MIPEP: variants seen among roughly 807,000 people sequenced by gnomAD.
MIPEP encodes mitochondrial intermediate peptidase.
A neutral mutation model predicts 90.3 loss-of-function variants in MIPEP; 79 were observed. The observed-to-expected ratio is 0.87, with a 90% CI of 0.73 to 1.05. MIPEP has a LOEUF of 1.05. MIPEP is among the 50% of genes least tolerant of loss of function. The probability of loss-of-function intolerance (pLI) is 0.00; values close to 1 mark genes in which losing one functional copy is unlikely to be tolerated. For missense variants in MIPEP, 940 were observed against 905.6 expected, an observed-to-expected ratio of 1.04 and a Z score of -0.49; for synonymous variants, 334 against 315.8, an observed-to-expected ratio of 1.06 and a Z score of -0.61.
chr13:23,827,348 A>G (rs1868516100), intron 14 of MIPEP, among the ~76,000 whole-genome samples: 1 of 152,252 alleles, frequency 6.6e-6, no homozygotes. Flanking sequence ...ATAAATGTCT[A>G]GAAAATTTCA....
At chr13:23,865,050 G>C (rs1870474616) in intron 7 of MIPEP, among the ~76,000 whole-genome samples, 1 of 151,958 alleles carries the variant, frequency 6.6e-6, no homozygotes, top group Admixed American at 6.6e-5. Flanking sequence ...ATTAACTTCT[G>C]ATAGAATTTT....
At chr13:23,747,044 G>A (rs865873236) in intron 18 of MIPEP, among the ~76,000 whole-genome samples, 1 of 152,224 alleles carries the variant, frequency 6.6e-6, no homozygotes, top group South Asian at 2.1e-4. Flanking sequence ...GCTAAGAGGT[G>A]TCGAGGAGTG....
At chr13:23,825,698 T>TA (rs1349142286) in intron 14 of MIPEP, among the ~76,000 whole-genome samples, 1 of 152,212 alleles carries the variant, frequency 6.6e-6, no homozygotes, top group African/African-American at 2.4e-5. Context: ...GTGAAACTAA[T>TA]AGATCTATTG....
rs1422821266 is a variant in MIPEP, at chr13:23,759,952, C to T, written c.1970+144G>A. ...CTTGGGTGGGAATGGCCAAGTGGGG[C>T]GAGGCTGTGTGGGGAGCCTGCCACT... On this transcript the variant is annotated intron_variant, in intron 17 of 18. Transcript: ENST00000382172. 49 of 999,608 alleles carry T rather than the reference C, an allele frequency of 4.9e-5. No homozygotes were observed. In the South Asian group the frequency reaches 4.9e-4, roughly 10 times the overall value. 61.9% of individuals were successfully genotyped at this position (999,608 alleles called of 1,614,324 possible).
intron 14 of MIPEP, among the ~76,000 whole-genome samples, chr13:23,811,432 G>C (rs1953169860): frequency 6.6e-6 from 1 of 152,140 alleles, no homozygotes; most frequent in Admixed American, 6.5e-5. Flanking sequence ...TTGGTTTATA[G>C]TTAAACTTTG....
intron 18 of MIPEP, among the ~76,000 whole-genome samples, chr13:23,752,132 T>A (rs142954650): frequency 1.6e-3 from 244 of 152,304 alleles, no homozygotes; most frequent in African/African-American, 5.7e-3. Context: ...ACCTGTGTTA[T>A]AGGGGATTAA....
chr13:23,820,361 C>A (rs1953291974), intron 14 of MIPEP, among the ~76,000 whole-genome samples: 1 of 152,228 alleles, frequency 6.6e-6, no homozygotes, highest in African/African-American at 2.4e-5. Flanking sequence ...CGTAGTCCTA[C>A]CTTTATAGAA....
intron 9 of MIPEP, 140 bp from the exon 10 acceptor site, chr13:23,859,052 G>A: frequency 1.4e-6 from 1 of 719,012 alleles, no homozygotes; most frequent in Non-Finnish European, 2.4e-6. Flanking sequence ...TTAAAAAATT[G>A]ATAGCTTGGC....
At chr13:23,822,108 C>G (rs1344580482) in intron 14 of MIPEP, among the ~76,000 whole-genome samples, 1 of 152,182 alleles carries the variant, frequency 6.6e-6, no homozygotes, top group East Asian at 1.9e-4. Context: ...AGTGGTATTT[C>G]AAAAGCAGAG....
At chr13:23,855,408 T>C (rs899930027) in intron 10 of MIPEP, among the ~76,000 whole-genome samples, 3 of 152,076 alleles carry the variant, frequency 2.0e-5, no homozygotes, top group Admixed American at 2.0e-4. Context: ...AAATCTGAGG[T>C]ATTTAACATA....
Position 23,874,712 on chromosome 13 carries a change from T to G in MIPEP, c.603+134A>C, listed in dbSNP as rs1870984022. Reference sequence around the variant, plus strand: ...TTCAAATACAATCTAAAGAAGAATTTCATAACAGATAAAAGACCTGCACGT... The same window carrying G: ...TTCAAATACAATCTAAAGAAGAATTGCATAACAGATAAAAGACCTGCACGT... On this transcript the variant is annotated intron_variant, in intron 5 of 18. Coordinates refer to ENST00000382172, the MANE Select transcript of MIPEP (RefSeq NM_005932.4). 4.4e-6 allele frequency: 3 copies of G among 686,902 alleles called. No homozygotes were observed. In the South Asian group the frequency reaches 7.5e-5, roughly 17 times the overall value. The allele number at this position is 686,902 out of a possible 1,614,324, so 42.6% of individuals were successfully genotyped here.
intron 16 of MIPEP, among the ~76,000 whole-genome samples, chr13:23,789,123 A>T (rs1952876357): frequency 1.3e-5 from 2 of 152,176 alleles, no homozygotes; most frequent in Non-Finnish European, 1.5e-5. Flanking sequence ...TGGGATTTTT[A>T]AAAAATTGTT....
intron 16 of MIPEP, among the ~76,000 whole-genome samples, chr13:23,768,755 A>G (rs190255892): frequency 6.6e-6 from 1 of 152,114 alleles, no homozygotes; most frequent in African/African-American, 2.4e-5. Context: ...CAAAACAAAA[A>G]CCCACACAAA....
In MIPEP at chr13:23,879,278, G is replaced by C; in HGVS notation, c.529C>G (p.Pro177Ala). 6.3e-7 allele frequency: 1 copy of C among 1,597,812 alleles called. No homozygotes were observed. The highest frequency in any genetic ancestry group is 1.7e-5 in the Admixed American group (1 of 59,782). Residue 177 changes from proline to alanine, a missense_variant, in exon 4 of 19, where the codon CCA becomes GCA. Pro to Ala is a conservative substitution (Grantham distance 27). Transcript: ENST00000382172. Reference protein sequence around the residue: ...ADKKLVDSLDPETRRVAELFM... With the variant: ...ADKKLVDSLDAETRRVAELFM... ...GAAATGAGTGAGTACCTTGTTTCTGGATCAAGGGAATCCACAAGTTTTTTA... is the reference window on the plus strand; with the variant it reads ...GAAATGAGTGAGTACCTTGTTTCTGCATCAAGGGAATCCACAAGTTTTTTA...
At chr13:23,781,342 T>C (rs1394139329) in intron 16 of MIPEP, among the ~76,000 whole-genome samples, 1 of 152,138 alleles carries the variant, frequency 6.6e-6, no homozygotes, top group East Asian at 1.9e-4. Flanking sequence ...GAATTTCATA[T>C]CCAGCCAAAC....
At chr13:23,796,551 G>A (rs1025160528) in intron 16 of MIPEP, among the ~76,000 whole-genome samples, 2 of 151,114 alleles carry the variant, frequency 1.3e-5, no homozygotes, top group African/African-American at 4.9e-5. Context: ...TCTCATGGTA[G>A]GTTTTAAATT....
chr13:23,817,650 C>T (rs1953256355), intron 14 of MIPEP, among the ~76,000 whole-genome samples: 1 of 152,112 alleles, frequency 6.6e-6, no homozygotes, highest in South Asian at 2.1e-4. Context: ...CCGATACCTG[C>T]ATCACAAGAA....
intron 14 of MIPEP, among the ~76,000 whole-genome samples, chr13:23,818,255 TAA>T (rs79782871): frequency 0.16 from 22,709 of 145,764 alleles, 1,838 homozygotes; most frequent in South Asian, 0.24. Flanking sequence ...TGTATCTACT[TAA>T]AAAAAAAAAA....
intron 8 of MIPEP, among the ~76,000 whole-genome samples, chr13:23,863,678 G>A (rs531746794): frequency 4.6e-5 from 7 of 152,002 alleles, no homozygotes; most frequent in East Asian, 3.9e-4. Context: ...TATAACAAAC[G>A]GACACACCAA....
Sources: gnomAD v4.1 joint callset for allele counts (sites outside exome capture counted in the v4.1 genomes callset) on GRCh38, gnomAD v4.1.1 for gene constraint, MANE v1.5 for transcripts, NCBI Gene and HGNC (gene_info 2026-07-23, HGNC 2026-07-21) for gene names.